Variants in PTPRK observed in about 807,000 individuals in gnomAD.
The protein encoded by PTPRK is receptor-type tyrosine-protein phosphatase kappa.
Under a neutral mutation model 178.0 loss-of-function variants are expected in PTPRK, and 75 were observed. That is an observed-to-expected ratio of 0.42 (90% CI 0.35 to 0.51). The LOEUF (loss-of-function observed/expected upper bound fraction) is 0.51, where lower values mean the gene tolerates loss of function less well. PTPRK is among the 20% of genes least tolerant of loss of function. The pLI is 0.02. For synonymous variants in PTPRK, 637 were observed against 620.6 expected (o/e 1.03, Z -0.39); for missense variants, 1,441 against 1,797.8 (o/e 0.80, Z 3.59).
intron 1 of PTPRK, among the ~76,000 whole-genome samples, chr6:128,514,429 T>C (rs1198584857): frequency 1.3e-5 from 2 of 151,848 alleles, no homozygotes; most frequent in Non-Finnish European, 2.9e-5. Flanking sequence ...CATACTTACA[T>C]CTTTCACATT....
intron 2 of PTPRK, among the ~76,000 whole-genome samples, chr6:128,369,016 G>T (rs1372842213): frequency 6.6e-6 from 1 of 152,070 alleles, no homozygotes; most frequent in African/African-American, 2.4e-5. Context: ...CTACATAGTT[G>T]ACTTAATTCA....
chr6:128,342,666 G>A (rs1226133047), intron 2 of PTPRK, among the ~76,000 whole-genome samples: 1 of 152,050 alleles, frequency 6.6e-6, no homozygotes, highest in Non-Finnish European at 1.5e-5. Context: ...ATATAGAAGT[G>A]TATTGTAAAT....
chr6:128,476,124 C>G (rs1851343789), intron 1 of PTPRK, among the ~76,000 whole-genome samples: 1 of 152,036 alleles, frequency 6.6e-6, no homozygotes, highest in Non-Finnish European at 1.5e-5. Context: ...TTCTGTCACC[C>G]AAGAACTACA....
Position 127,970,325 on chromosome 6 carries a change from G to C in PTPRK, c.4270-45C>G, listed in dbSNP as rs373361909. 4.4e-5 allele frequency: 65 copies of C among 1,479,652 alleles called. No individual in the cohort carries two copies. The Middle Eastern group carries it at 5.1e-4, about 12-fold the overall frequency. 91.7% of individuals were successfully genotyped at this position (1,479,652 alleles called of 1,614,324 possible). A position where few individuals can be genotyped will look rare whatever the true frequency, so the allele number is the denominator to read the frequency against. On this transcript the variant is annotated intron_variant, in intron 29 of 29. Transcript: ENST00000368226. ...AAAGAGTGAGAAAACTTAAGAAAGA[G>C]ACTAATGTTGAATAACAGTTACCAA... is the stretch of plus-strand genomic sequence containing the variant.
At chr6:128,373,070 A>C (rs1185980470) in intron 2 of PTPRK, among the ~76,000 whole-genome samples, 1 of 152,144 alleles carries the variant, frequency 6.6e-6, no homozygotes, top group African/African-American at 2.4e-5. Context: ...CAGTAAAAGC[A>C]CAAAGTCTAT....
intron 3 of PTPRK, among the ~76,000 whole-genome samples, chr6:128,276,079 T>G (rs760753107): frequency 6.6e-6 from 1 of 151,894 alleles, no homozygotes; most frequent in Non-Finnish European, 1.5e-5. Context: ...AATTAAATAT[T>G]AAGTGATTCA....
intron 5 of PTPRK, among the ~76,000 whole-genome samples, chr6:128,238,618 C>T (rs1450945525): frequency 6.6e-6 from 1 of 152,106 alleles, no homozygotes; most frequent in African/African-American, 2.4e-5. Flanking sequence ...ACGATTAGAA[C>T]ATATATCTAA....
intron 3 of PTPRK, among the ~76,000 whole-genome samples, chr6:128,243,196 C>G (rs1158667222): frequency 6.6e-6 from 1 of 151,918 alleles, no homozygotes; most frequent in Non-Finnish European, 1.5e-5. Flanking sequence ...GAGACATAGG[C>G]ATGGAAGGCC....
At chr6:128,256,569 C>T (rs1344087368) in intron 3 of PTPRK, among the ~76,000 whole-genome samples, 2 of 151,630 alleles carry the variant, frequency 1.3e-5, no homozygotes, top group African/African-American at 4.9e-5. Context: ...TCCCGAGTAA[C>T]TGGGATTACA....
At chr6:128,269,345 C>G (rs1315091612) in intron 3 of PTPRK, among the ~76,000 whole-genome samples, 3 of 151,578 alleles carry the variant, frequency 2.0e-5, no homozygotes, top group African/African-American at 4.8e-5. Flanking sequence ...ATCCCAGCAG[C>G]CAAAAAGCCA....
intron 13 of PTPRK, among the ~76,000 whole-genome samples, chr6:128,033,133 T>C (rs1775630629): frequency 6.6e-6 from 1 of 152,134 alleles, no homozygotes; most frequent in Non-Finnish European, 1.5e-5. Context: ...TTTCTAAATT[T>C]TTTTCTAGTT....
At chr6:128,468,263 G>C (rs940003525) in intron 1 of PTPRK, among the ~76,000 whole-genome samples, 1 of 152,092 alleles carries the variant, frequency 6.6e-6, no homozygotes, top group Non-Finnish European at 1.5e-5. Flanking sequence ...CAATTTGTAG[G>C]AATATTAACA....
rs1279782835 is a variant in PTPRK at position 128,354,241 on chromosome 6, T to A, written c.224-31931A>T. Among the ~76,000 whole-genome samples the A allele has an allele frequency of 2.6e-4, 24 of 92,226 alleles. 3 individuals are homozygous for A. Among genetic ancestry groups the A allele is most frequent in the African/African-American group, 8.9e-4 (22 of 24,700 alleles). The allele number at this position is 92,226 out of a possible 152,430, so 60.5% of individuals were successfully genotyped here. ...TGGTTTTTTGTTTATGTTTTTTTTT[T>A]TTTTTTTTTTTTTTGAGACTGAGTC... On this transcript the variant is annotated intron_variant, in intron 2 of 29. Transcript: ENST00000368226.
At chr6:128,169,058 G>A (rs1356939446) in intron 7 of PTPRK, among the ~76,000 whole-genome samples, 1 of 151,998 alleles carries the variant, frequency 6.6e-6, no homozygotes, top group Non-Finnish European at 1.5e-5. Context: ...AGCAGGGAGG[G>A]GGAGAATATC....
At chr6:128,246,050 A>G (rs1024835419) in intron 3 of PTPRK, among the ~76,000 whole-genome samples, 2 of 152,224 alleles carry the variant, frequency 1.3e-5, no homozygotes, top group African/African-American at 4.8e-5. Flanking sequence ...CTAAACTAAA[A>G]GGTGTGATTG....
intron 13 of PTPRK, among the ~76,000 whole-genome samples, chr6:128,017,786 A>ATGTGTG (rs1779754311): frequency 9.4e-6 from 1 of 106,140 alleles, no homozygotes; most frequent in Non-Finnish European, 1.8e-5. Context: ...ATACATATAT[A>ATGTGTG]AATAAATATA....
At chr6:128,002,939 G>C (rs1232748646) in intron 15 of PTPRK, among the ~76,000 whole-genome samples, 3 of 151,876 alleles carry the variant, frequency 2.0e-5, no homozygotes, top group African/African-American at 7.2e-5. Context: ...ATATTAGTCA[G>C]ACATTAAGGG....
At chr6:128,450,301 G>A (rs947770196) in intron 1 of PTPRK, among the ~76,000 whole-genome samples, 1 of 152,084 alleles carries the variant, frequency 6.6e-6, no homozygotes, top group African/African-American at 2.4e-5. Flanking sequence ...AAGCATTATT[G>A]TACTCAATTT....
intron 6 of PTPRK, among the ~76,000 whole-genome samples, chr6:128,186,705 C>T (rs193104292): frequency 6.6e-6 from 1 of 152,178 alleles, no homozygotes; most frequent in East Asian, 1.9e-4. Context: ...ACATTTCATA[C>T]CATGAAATTT....
Sources: allele counts gnomAD v4.1 joint callset (sites outside exome capture counted in the v4.1 genomes callset), GRCh38; gene constraint gnomAD v4.1.1; transcripts MANE v1.5; gene names NCBI Gene and HGNC (gene_info 2026-07-23, HGNC 2026-07-21).